PDE7B: variants seen among roughly 807,000 people sequenced by gnomAD.
PDE7B encodes the protein 3',5'-cyclic-AMP phosphodiesterase 7B.
In PDE7B, 29 loss-of-function variants were observed where a neutral mutation model predicts 56.2. The observed-to-expected ratio is 0.52, with a 90% confidence interval of 0.38 to 0.70. The LOEUF is 0.70. Among genes scored for constraint, PDE7B ranks in the 30% least tolerant of loss-of-function variants. PDE7B has a pLI of 0.00. For synonymous variants in PDE7B, 197 were observed against 196.9 expected, an observed-to-expected ratio of 1.00 and a Z score of 0.00; for missense variants, 490 against 565.0, an observed-to-expected ratio of 0.87 and a Z score of 1.35.
intron 2 of PDE7B, chr6:136,037,969 G>GA (rs879192828): frequency 1.2e-5 from 15 of 1,220,068 alleles, no homozygotes; most frequent in African/African-American, 6.3e-5. Flanking sequence ...GAGAGGAGGG[G>GA]AAAAAAAATG....
intron 2 of PDE7B, among the ~76,000 whole-genome samples, chr6:136,004,905 A>C (rs992301126): frequency 6.6e-6 from 1 of 152,010 alleles, no homozygotes; most frequent in East Asian, 1.9e-4. Flanking sequence ...AGTCAATCCT[A>C]AGCCAAAAGA....
chr6:135,905,091 C>T (rs1447807818), intron 1 of PDE7B, among the ~76,000 whole-genome samples: 2 of 152,092 alleles, frequency 1.3e-5, no homozygotes, highest in Non-Finnish European at 2.9e-5. Context: ...TTTTATTTTG[C>T]AGTAGAATCT....
intron 3 of PDE7B, among the ~76,000 whole-genome samples, chr6:136,128,366 TC>T (rs1182310980): frequency 6.6e-6 from 1 of 152,140 alleles, no homozygotes; most frequent in Non-Finnish European, 1.5e-5. Flanking sequence ...TTAAATTAAT[TC>T]TAATGCATGA....
In PDE7B at chr6:136,147,464, C is replaced by T; in HGVS notation, c.280C>T (p.Leu94=). The change falls in exon 4 of 13, where the codon CTG becomes TTG. Residue 94 remains leucine, a synonymous_variant. Transcript: ENST00000308191. ...LLRGIIPQAP[L]HLLDEDYLGQ... The stretch of plus-strand genomic sequence containing the variant: ...TCGTGGAATTATACCACAAGCCCCT[C>T]TGCACCTGCTGGATGAAGACTACCT... 1.9e-6 allele frequency: 3 copies of T among 1,613,970 alleles called. No individual in the cohort carries two copies. Among genetic ancestry groups the T allele is most frequent in the Non-Finnish European group, 1.7e-6 (2 of 1,179,868 alleles).
intron 1 of PDE7B, among the ~76,000 whole-genome samples, chr6:135,890,798 A>G (rs1775797739): frequency 6.6e-6 from 1 of 152,220 alleles, no homozygotes; most frequent in African/African-American, 2.4e-5. Flanking sequence ...GAAAACGAGC[A>G]TGGTCCATAT....
At chr6:135,919,609 A>G (rs1020281079) in intron 1 of PDE7B, among the ~76,000 whole-genome samples, 2 of 152,236 alleles carry the variant, frequency 1.3e-5, no homozygotes, top group Non-Finnish European at 2.9e-5. Flanking sequence ...TAGGCAAAGC[A>G]TACTATATTT....
At chr6:135,988,588 G>T (rs1170500135) in intron 2 of PDE7B, among the ~76,000 whole-genome samples, 1 of 152,138 alleles carries the variant, frequency 6.6e-6, no homozygotes, top group Non-Finnish European at 1.5e-5. Flanking sequence ...TATTATTTTT[G>T]TGTTGAATGA....
At chr6:135,963,375 T>G (rs1458622525) in intron 2 of PDE7B, among the ~76,000 whole-genome samples, 3 of 152,200 alleles carry the variant, frequency 2.0e-5, no homozygotes, top group Non-Finnish European at 2.9e-5. Context: ...GTACAGTTAT[T>G]TTGTGCAACC....
chr6:135,858,931 T>C (rs1344447899), intron 1 of PDE7B, among the ~76,000 whole-genome samples: 3 of 152,172 alleles, frequency 2.0e-5, no homozygotes, highest in African/African-American at 7.2e-5. Context: ...AAAATTATAC[T>C]ATAATATCAG....
intron 2 of PDE7B, among the ~76,000 whole-genome samples, chr6:136,095,542 A>C (rs1391992161): frequency 6.6e-6 from 1 of 152,216 alleles, no homozygotes; most frequent in Non-Finnish European, 1.5e-5. Flanking sequence ...CCAAGGTCAC[A>C]GAGGGAATGG....
At chr6:135,866,994 G>A (rs1400500504) in intron 1 of PDE7B, among the ~76,000 whole-genome samples, 2 of 152,148 alleles carry the variant, frequency 1.3e-5, no homozygotes, top group Non-Finnish European at 2.9e-5. Context: ...GGGTGCTTGT[G>A]TTTTCCTAAT....
chr6:136,173,838 T>C lies in PDE7B; in HGVS notation c.753T>C (p.Ile251=), dbSNP rs774789697. The part of the protein sequence containing the change: ...VLENHHWRST[I]GMLRESRLLA... ...AGAATCATCACTGGCGATCTACAAT[T>C]GGCATGCTTCGAGAATCAAGGCTTC... is the stretch of plus-strand genomic sequence containing the variant. Residue 251 remains isoleucine (I), a synonymous_variant, in exon 9 of 13, where the codon ATT becomes ATC. Coordinates refer to ENST00000308191, the MANE Select transcript of PDE7B (RefSeq NM_018945.4). The C allele has an allele frequency of 6.2e-7, 1 of 1,613,028 alleles. No individual in the cohort carries two copies.
In PDE7B at chr6:135,880,582, C is replaced by T. The variant is rs1775590049; in HGVS notation, c.21+28563C>T. ...AAGTAAAACAGGATTGAAAGCAACG[C>T]TTGAAAGCAACACCATGAATATAAA... is the stretch of plus-strand genomic sequence containing the variant. On this transcript the variant is annotated intron_variant, in intron 1 of 12. Transcript: ENST00000308191. Among the ~76,000 whole-genome samples the T allele has an allele frequency of 3.3e-5, 5 of 152,166 alleles. No homozygotes were observed. The South Asian group carries it at 1.0e-3, about 32-fold the overall frequency.
chr6:136,005,616 A>G (rs1441862334), intron 2 of PDE7B, among the ~76,000 whole-genome samples: 2 of 152,248 alleles, frequency 1.3e-5, no homozygotes, highest in African/African-American at 4.8e-5. Flanking sequence ...GCTCACCTTC[A>G]CTGGCCATCA....
At chr6:135,891,777 C>T (rs1385701536) in intron 1 of PDE7B, among the ~76,000 whole-genome samples, 1 of 152,178 alleles carries the variant, frequency 6.6e-6, no homozygotes, top group African/African-American at 2.4e-5. Context: ...TATGTATCTA[C>T]TACCTTTCCA....
chr6:135,963,865 G>A (rs1034885598), intron 2 of PDE7B, among the ~76,000 whole-genome samples: 1 of 152,040 alleles, frequency 6.6e-6, no homozygotes. Flanking sequence ...TCTCTAAAAG[G>A]GGATAAAAAG....
intron 1 of PDE7B, among the ~76,000 whole-genome samples, chr6:135,876,687 G>A (rs1180989342): frequency 1.3e-5 from 2 of 151,902 alleles, no homozygotes; most frequent in South Asian, 2.1e-4. Flanking sequence ...TGAGACCCCC[G>A]TCTCTACTAA....
intron 1 of PDE7B, among the ~76,000 whole-genome samples, chr6:135,921,569 A>C (rs1774082276): frequency 6.6e-6 from 1 of 152,124 alleles, no homozygotes. Flanking sequence ...GGACATTCTG[A>C]AGATTTTTTT....
chr6:136,016,339 T>C (rs761639811), intron 2 of PDE7B, among the ~76,000 whole-genome samples: 1 of 152,208 alleles, frequency 6.6e-6, no homozygotes, highest in African/African-American at 2.4e-5. Flanking sequence ...CATTTGAATA[T>C]TGTGTGTGGA....
Sources: gnomAD v4.1 joint callset for allele counts (sites outside exome capture counted in the v4.1 genomes callset) on GRCh38, gnomAD v4.1.1 for gene constraint, MANE v1.5 for transcripts, NCBI Gene and HGNC (gene_info 2026-07-23, HGNC 2026-07-21) for gene names.